Variants in NCOA6 observed in about 807,000 individuals in gnomAD.
NCOA6 encodes NRC RAP250.
Under a neutral mutation model 171.4 loss-of-function variants are expected in NCOA6, and 49 were observed. The observed-to-expected ratio is 0.29, with a 90% confidence interval of 0.23 to 0.36. NCOA6 has a LOEUF of 0.36. Ranked by LOEUF, NCOA6 falls within the 10% of genes least tolerant of loss-of-function variation. NCOA6 has a pLI of 1.00. For missense variants in NCOA6, 2,248 were observed against 2,554.5 expected, an observed-to-expected ratio of 0.88 and a Z score of 2.59; for synonymous variants, 910 against 927.5, an observed-to-expected ratio of 0.98 and a Z score of 0.34.
chr20:34,809,953 G>A (rs2146598336), intron 1 of NCOA6, among the ~76,000 whole-genome samples: 1 of 152,204 alleles, frequency 6.6e-6, no homozygotes, highest in African/African-American at 2.4e-5. Flanking sequence ...GGGTGACAGA[G>A]CTAGACTGTC....
intron 6 of NCOA6, among the ~76,000 whole-genome samples, chr20:34,758,392 A>T (rs1220624770): frequency 6.6e-6 from 1 of 152,238 alleles, no homozygotes; most frequent in Non-Finnish European, 1.5e-5. Context: ...ATAAGAAAAC[A>T]AAACAATTAG....
At chr20:34,732,401 G>C (rs1437571424) in intron 13 of NCOA6, among the ~76,000 whole-genome samples, 158 bp downstream of exon 13, 1 of 152,152 alleles carries the variant, frequency 6.6e-6, no homozygotes, top group East Asian at 1.9e-4. Context: ...GAGGGATTAG[G>C]ACTCATGACA....
chr20:34,782,014 C>T (rs1210200383), intron 3 of NCOA6, 107 bp downstream of exon 3: 1 of 761,310 alleles, frequency 1.3e-6, no homozygotes, highest in Non-Finnish European at 2.1e-6. Flanking sequence ...TAAATTCAGC[C>T]TTTTGACCCA....
intron 3 of NCOA6, among the ~76,000 whole-genome samples, chr20:34,780,942 C>G (rs979490693): frequency 3.9e-5 from 6 of 152,194 alleles, no homozygotes; most frequent in African/African-American, 1.4e-4. Flanking sequence ...GCATGAACTA[C>G]TGTGCCTGGC....
intron 1 of NCOA6, among the ~76,000 whole-genome samples, chr20:34,818,238 C>G (rs2146732238): frequency 6.6e-6 from 1 of 152,182 alleles, no homozygotes; most frequent in East Asian, 1.9e-4. Context: ...GCCTATAATC[C>G]TAGCAATTTG....
chr20:34,736,825 C>T, intron 11 of NCOA6, 67 bp from the exon 12 acceptor site: 1 of 1,394,040 alleles, frequency 7.2e-7, no homozygotes, highest in Non-Finnish European at 9.8e-7. Context: ...AAGCATTAAC[C>T]TAATCAAGGG....
chr20:34,808,258 C>A (rs1395864139), intron 1 of NCOA6, among the ~76,000 whole-genome samples: 1 of 152,010 alleles, frequency 6.6e-6, no homozygotes, highest in East Asian at 1.9e-4. Flanking sequence ...CTCTGCCCAG[C>A]CAGGATTCTT....
chr20:34,724,115 T>C (rs186981336), intron 14 of NCOA6, among the ~76,000 whole-genome samples: 129 of 152,282 alleles, frequency 8.5e-4, no homozygotes, highest in African/African-American at 3.1e-3. Context: ...TCCAAACTAG[T>C]TTCTGCCTAG....
chr20:34,772,406 C>CG (rs2077178889), intron 4 of NCOA6, among the ~76,000 whole-genome samples: 2 of 151,958 alleles, frequency 1.3e-5, no homozygotes, highest in African/African-American at 2.4e-5. Context: ...TGGTACGTGG[C>CG]AGATGCTCAT....
intron 2 of NCOA6, among the ~76,000 whole-genome samples, chr20:34,791,751 G>A (rs2077893068): frequency 6.6e-6 from 1 of 152,174 alleles, no homozygotes; most frequent in Non-Finnish European, 1.5e-5. Context: ...ATCTAAGGAT[G>A]TTAGGGCACC....
At chr20:34,752,254 T>C (rs562467114) in intron 8 of NCOA6, among the ~76,000 whole-genome samples, 1 of 152,356 alleles carries the variant, frequency 6.6e-6, no homozygotes, top group Admixed American at 6.5e-5. Flanking sequence ...CAAACTACCT[T>C]GTTCACACTA....
In NCOA6 at chr20:34,738,539, C is replaced by T. The variant is rs114517501; in HGVS notation, c.5894-1781G>A. Among the ~76,000 whole-genome samples the T allele has an allele frequency of 9.2e-3, 1,401 of 152,292 alleles. 29 individuals carry two copies. The highest frequency in any genetic ancestry group is 0.032 in the African/African-American group (1,331 of 41,552). ...ACACCAACAGAACTAGAACAATATA[C>T]AATAAGCACCCAGTCTTGTGAAGAC... On this transcript the variant is annotated intron_variant, in intron 11 of 14. Transcript: ENST00000359003.
intron 9 of NCOA6, among the ~76,000 whole-genome samples, chr20:34,747,347 G>A (rs2076339496): frequency 6.6e-6 from 1 of 152,130 alleles, no homozygotes. Flanking sequence ...AACAGTGGGG[G>A]CTCAATTCAT....
intron 2 of NCOA6, among the ~76,000 whole-genome samples, chr20:34,788,739 A>G (rs1601034244): frequency 6.6e-6 from 1 of 152,212 alleles, no homozygotes; most frequent in East Asian, 1.9e-4. Context: ...TGAGGTCAGG[A>G]GTTCAAGACC....
At chr20:34,765,658 C>T (rs369428834) in intron 5 of NCOA6, among the ~76,000 whole-genome samples, 3 of 152,050 alleles carry the variant, frequency 2.0e-5, no homozygotes, top group African/African-American at 4.8e-5. Flanking sequence ...TTAAGTGGCA[C>T]AAATGCAGGG....
intron 2 of NCOA6, among the ~76,000 whole-genome samples, chr20:34,784,250 A>G (rs2077600074): frequency 1.3e-5 from 2 of 150,942 alleles, no homozygotes; most frequent in South Asian, 4.2e-4. Flanking sequence ...TATTTTTTTG[A>G]GACACGGTCT....
intron 5 of NCOA6, among the ~76,000 whole-genome samples, chr20:34,762,653 T>C (rs1219258968): frequency 2.0e-5 from 3 of 152,186 alleles, no homozygotes; most frequent in Non-Finnish European, 4.4e-5. Flanking sequence ...TAAAGACATA[T>C]ATGATCATCA....
chr20:34,763,696 C>T (rs2076884686), intron 5 of NCOA6, among the ~76,000 whole-genome samples: 1 of 152,198 alleles, frequency 6.6e-6, no homozygotes, highest in East Asian at 1.9e-4. Flanking sequence ...TGGGTATTCA[C>T]TAACATATCA....
intron 6 of NCOA6, 75 bp downstream of exon 6, chr20:34,758,730 A>C: frequency 1.3e-6 from 2 of 1,533,330 alleles, no homozygotes; most frequent in Non-Finnish European, 1.8e-6. Context: ...ATTCAGCATC[A>C]GAGATAACTG....
Sources: gnomAD v4.1 joint callset for allele counts (sites outside exome capture counted in the v4.1 genomes callset) on GRCh38, gnomAD v4.1.1 for gene constraint, MANE v1.5 for transcripts, NCBI Gene and HGNC (gene_info 2026-07-23, HGNC 2026-07-21) for gene names.